KIF26B: variants seen among roughly 807,000 people sequenced by gnomAD.
KIF26B encodes the protein kinesin family member 26B, also known as kinesin-like protein KIF26B.
In KIF26B, 63 loss-of-function variants were observed where a neutral mutation model predicts 151.2. The observed-to-expected ratio is 0.42, with a 90% CI of 0.34 to 0.51. The LOEUF (loss-of-function observed/expected upper bound fraction) is 0.51. Among genes scored for constraint, KIF26B ranks in the 20% least tolerant of loss-of-function variants. The pLI, the probability that KIF26B is intolerant of heterozygous loss-of-function variation, is 0.07. For missense variants in KIF26B, 2,813 were observed against 2,913.6 expected (o/e 0.97, Z 0.79); for synonymous variants, 1,357 against 1,262.1 (o/e 1.08, Z -1.59).
chr1:245,543,319 A>T (rs1431047674), intron 5 of KIF26B, among the ~76,000 whole-genome samples: 3 of 152,248 alleles, frequency 2.0e-5, no homozygotes, highest in Non-Finnish European at 4.4e-5. Flanking sequence ...GATGTACCAT[A>T]TGTAGTGACC....
intron 10 of KIF26B, among the ~76,000 whole-genome samples, chr1:245,664,359 C>CAA (rs10661396): frequency 0.053 from 7,520 of 140,746 alleles, 584 homozygotes; most frequent in African/African-American, 0.17. Flanking sequence ...AACTCCATCT[C>CAA]AAAAAAAAAA....
intron 10 of KIF26B, among the ~76,000 whole-genome samples, chr1:245,682,384 C>A (rs993993124): frequency 6.6e-6 from 1 of 152,218 alleles, no homozygotes; most frequent in Non-Finnish European, 1.5e-5. Flanking sequence ...AACACAGCTA[C>A]CATGAATAAC....
At chr1:245,192,897 T>TA (rs1001704184) in intron 2 of KIF26B, among the ~76,000 whole-genome samples, 2 of 151,838 alleles carry the variant, frequency 1.3e-5, no homozygotes, top group Admixed American at 1.3e-4. Context: ...ACAGATAATT[T>TA]TTTTTTACTT....
chr1:245,183,669 A>C (rs4658718), intron 2 of KIF26B, among the ~76,000 whole-genome samples: 148,837 of 152,206 alleles, frequency 0.98, 72,862 homozygotes, highest in East Asian at 1. Flanking sequence ...GGAGATCCTG[A>C]CAGAATCTCT....
chr1:245,484,288 C>A (rs114942431), intron 4 of KIF26B, among the ~76,000 whole-genome samples: 9 of 151,998 alleles, frequency 5.9e-5, no homozygotes, highest in African/African-American at 1.7e-4. Flanking sequence ...AAATGTCCCA[C>A]CATTATGTAT....
intron 2 of KIF26B, among the ~76,000 whole-genome samples, chr1:245,333,959 A>G (rs1408796989): frequency 1.3e-5 from 2 of 152,022 alleles, no homozygotes; most frequent in African/African-American, 4.8e-5. Context: ...GATCCGCACC[A>G]CTGCACTCCA....
rs1572134933 is a variant in KIF26B at position 245,572,908 on chromosome 1, C to T, written c.1351-29669C>T. On this transcript the variant is annotated intron_variant, in intron 5 of 14. Transcript: ENST00000407071. The surrounding 1 kb of genome is among the most constrained non-coding windows in gnomAD (Gnocchi z 4.2). ...TGTCCCAAGCAGAAATGGAGAAACA[C>T]GTCCTCACCTCCTCCTGCCACCTGC... Among the ~76,000 whole-genome samples the T allele has an allele frequency of 6.6e-6, 1 of 152,140 alleles. No homozygotes were observed. Among genetic ancestry groups the T allele is most frequent in the African/African-American group, 2.4e-5 (1 of 41,418 alleles).
chr1:245,270,666 A>G (rs1670842568), intron 2 of KIF26B, among the ~76,000 whole-genome samples: 1 of 152,112 alleles, frequency 6.6e-6, no homozygotes. Flanking sequence ...TATATTTTAG[A>G]TATCAATCTC....
intron 2 of KIF26B, among the ~76,000 whole-genome samples, chr1:245,310,002 C>T (rs1671636237): frequency 1.4e-5 from 2 of 147,578 alleles, no homozygotes; most frequent in Non-Finnish European, 3.0e-5. Context: ...CCAATACAAA[C>T]ACTCCATATG....
At chr1:245,517,554 C>T (rs1313574052) in intron 4 of KIF26B, among the ~76,000 whole-genome samples, 2 of 152,102 alleles carry the variant, frequency 1.3e-5, no homozygotes, top group South Asian at 4.2e-4. Flanking sequence ...AGATATTTGC[C>T]ACACAAACAT....
intron 5 of KIF26B, among the ~76,000 whole-genome samples, chr1:245,543,107 T>A (rs1558207476): frequency 6.6e-6 from 1 of 152,072 alleles, no homozygotes; most frequent in Non-Finnish European, 1.5e-5. Flanking sequence ...CCTACAAGGG[T>A]TGATGTGGAT....
chr1:245,263,367 C>T (rs1221764600), intron 2 of KIF26B, among the ~76,000 whole-genome samples: 3 of 152,196 alleles, frequency 2.0e-5, no homozygotes, highest in South Asian at 2.1e-4. Context: ...AGTGCTGTAT[C>T]GAGCTCTAGG....
At chr1:245,413,577 C>T (rs1052972046) in intron 3 of KIF26B, among the ~76,000 whole-genome samples, 2 of 152,164 alleles carry the variant, frequency 1.3e-5, no homozygotes, top group African/African-American at 2.4e-5. Flanking sequence ...GCGGGAGAAT[C>T]GCTTGAACCC....
At chr1:245,195,161 A>G (rs951786251) in intron 2 of KIF26B, among the ~76,000 whole-genome samples, 1 of 152,158 alleles carries the variant, frequency 6.6e-6, no homozygotes, top group African/African-American at 2.4e-5. Context: ...CATTTGATGA[A>G]TATCCCTAGT....
chr1:245,415,285 G>T (rs1028329439), intron 3 of KIF26B, among the ~76,000 whole-genome samples: 1 of 152,102 alleles, frequency 6.6e-6, no homozygotes, highest in Non-Finnish European at 1.5e-5. Context: ...AATTTGGATT[G>T]GAGTGCTTCT....
chr1:245,547,039 C>G (rs925969234), intron 5 of KIF26B, among the ~76,000 whole-genome samples: 8 of 152,260 alleles, frequency 5.3e-5, no homozygotes, highest in African/African-American at 1.2e-4. Flanking sequence ...TCGCCAGCCT[C>G]TGGACAGCAC....
At chr1:245,324,572 CTTTT>C (rs1671949049) in intron 2 of KIF26B, among the ~76,000 whole-genome samples, 1 of 152,130 alleles carries the variant, frequency 6.6e-6, no homozygotes, top group African/African-American at 2.4e-5. Context: ...GGGATTCCTT[CTTTT>C]TCCTCTTTTA....
chr1:245,639,808 T>A (rs188387806), intron 9 of KIF26B, among the ~76,000 whole-genome samples: 99 of 152,032 alleles, frequency 6.5e-4, no homozygotes, highest in Admixed American at 9.8e-4. Context: ...TTTATTCTGT[T>A]GTGGTTAGAA....
chr1:245,404,471 C>T (rs923442761), intron 3 of KIF26B, among the ~76,000 whole-genome samples: 4 of 152,086 alleles, frequency 2.6e-5, no homozygotes, highest in African/African-American at 4.8e-5. Context: ...TTTATTAGCT[C>T]GGGGAATCTC....
Sources: allele counts gnomAD v4.1 joint callset (sites outside exome capture counted in the v4.1 genomes callset), GRCh38; gene constraint gnomAD v4.1.1; non-coding constraint Gnocchi (gnomAD v3.1); transcripts MANE v1.5; gene names NCBI Gene and HGNC (gene_info 2026-07-23, HGNC 2026-07-21).